The following CAMKK1 variants were observed in gnomAD, a reference collection of about 807,000 sequenced individuals.
CAMKK1 encodes calcium/calmodulin dependent protein kinase kinase 1, also known as calcium/calmodulin-dependent protein kinase kinase 1.
A neutral mutation model predicts 63.5 loss-of-function variants in CAMKK1; 20 were observed. That is an observed-to-expected ratio of 0.32 (90% CI 0.22 to 0.46). The LOEUF is 0.46. Ranked by LOEUF, CAMKK1 falls within the 20% of genes least tolerant of loss-of-function variation. CAMKK1 has a pLI of 1.00. For missense variants in CAMKK1, 588 were observed against 658.1 expected, an observed-to-expected ratio of 0.89 and a Z score of 1.17; for synonymous variants, 253 against 269.0, an observed-to-expected ratio of 0.94 and a Z score of 0.58.
rs1354599036 is a variant in CAMKK1, at chr17:3,893,027, G to T, written c.-132C>A. The T allele has an allele frequency of 8.8e-6, 1 of 113,418 alleles. No homozygotes were observed. The highest frequency in any genetic ancestry group is 2.0e-5 in the Non-Finnish European group (1 of 50,922). The allele number at this position is 113,418 out of a possible 1,614,324, so 7.0% of individuals were successfully genotyped here. ...CCGCCCCGCCCCGCCCCGCCCCACCGCCTCGCTGGGGCCCAGATCGCCGAG... is the reference window on the plus strand; with the variant it reads ...CCGCCCCGCCCCGCCCCGCCCCACCTCCTCGCTGGGGCCCAGATCGCCGAG... On this transcript the variant is annotated 5_prime_UTR_variant, in exon 1 of 16. Transcript: ENST00000348335. This position sits in a 1 kb window ranked among gnomAD's most constrained non-coding sequence, Gnocchi z 4.6.
rs754695613 is a variant in CAMKK1, at chr17:3,882,262, C to T, written c.685+266G>A. On this transcript the variant is annotated intron_variant, in intron 7 of 15. Coordinates refer to ENST00000348335, the MANE Select transcript of CAMKK1 (RefSeq NM_032294.3). The surrounding 1 kb of genome is among the most constrained non-coding windows in gnomAD (Gnocchi z 4.3). ...AGCCTGCTTCCTGCATCTACCTGAG[C>T]GCGCAGCCCACGTGGATCCACTGTC... 114 of 1,610,804 alleles carry T rather than the reference C, an allele frequency of 7.1e-5. No homozygotes were observed. The highest frequency in any genetic ancestry group is 1.6e-4 in the Middle Eastern group (1 of 6,062).
At chr17:3,877,785 T>C (rs1416659951) in intron 9 of CAMKK1, among the ~76,000 whole-genome samples, 1 of 152,176 alleles carries the variant, frequency 6.6e-6, no homozygotes, top group Non-Finnish European at 1.5e-5. Context: ...AGTGGTCTCA[T>C]GTTCTTATCT....
intron 8 of CAMKK1, 40 bp downstream of exon 8, chr17:3,881,587 G>A (rs2055412216): frequency 1.3e-6 from 2 of 1,557,966 alleles, no homozygotes; most frequent in Admixed American, 1.9e-5. Flanking sequence ...AGGAAGGCCT[G>A]GATGAGAATT....
Position 3,861,024 on chromosome 17 carries a change from C to G in CAMKK1, c.*1187G>C, listed in dbSNP as rs2054319761. On this transcript the variant is annotated 3_prime_UTR_variant, in exon 16 of 16. Transcript: ENST00000348335. ...AAATGCCACGTCGGCCAGCCGGACA[C>G]TGATCCCAGAGAGAAGGTGAAGGCT... 6.6e-6 allele frequency: 1 copy of G among 152,316 alleles called. No individual in the cohort carries two copies. Among genetic ancestry groups the G allele is most frequent in the Non-Finnish European group, 1.5e-5 (1 of 68,096 alleles). 9.4% of individuals were successfully genotyped at this position (152,316 alleles called of 1,614,324 possible).
rs1355809958 is a variant in CAMKK1, at chr17:3,889,553, C to T, written c.-44+3386G>A. ...AGAAGGCCACTGTCCTGCCAACTCC[C>T]AGGGCGATGGAAGGAACAGAATGAG... On this transcript the variant is annotated intron_variant, in intron 1 of 15. Coordinates refer to ENST00000348335, the MANE Select transcript of CAMKK1 (RefSeq NM_032294.3). The surrounding 1 kb of genome is among the most constrained non-coding windows in gnomAD (Gnocchi z 5.2). Among the ~76,000 whole-genome samples, 1 of 152,064 alleles carries T rather than the reference C, an allele frequency of 6.6e-6. No individual in the cohort carries two copies. The highest frequency in any genetic ancestry group is 2.4e-5 in the African/African-American group (1 of 41,388).
At chr17:3,881,528 TCTC>T in intron 8 of CAMKK1, 96 bp downstream of exon 8, 1 of 1,206,346 alleles carries the variant, frequency 8.3e-7, no homozygotes. Flanking sequence ...GTCTCTGACT[TCTC>T]CTAGAGTAGC....
Position 3,873,482 on chromosome 17 carries a change from C to G in CAMKK1, c.997-20G>C. On this transcript the variant is annotated intron_variant, in intron 10 of 15. Transcript: ENST00000348335. ...CAAGGCCTGGAAAGAAACATGCTCA[C>G]ATCAGTCCCCAACAGGCACAGCCAC... is the stretch of plus-strand genomic sequence containing the variant. 1 of 1,613,872 alleles carries G rather than the reference C, an allele frequency of 6.2e-7. No homozygotes were observed. Among genetic ancestry groups the G allele is most frequent in the Non-Finnish European group, 8.5e-7 (1 of 1,179,808 alleles).
rs755367116 is a variant in CAMKK1 at position 3,884,690 on chromosome 17, C to T, written c.361-263G>A. 2.6e-5 allele frequency among the ~76,000 whole-genome samples: 4 copies of T among 152,184 alleles called. No individual in the cohort carries two copies. The highest frequency in any genetic ancestry group is 4.1e-4 in the South Asian group (2 of 4,832). ...CCCAGAAGCAGTGGTGAAGGGAAAA[C>T]GCTAATTCCTGTCTGGATTCTGGAG... On this transcript the variant is annotated intron_variant, in intron 2 of 15. Transcript: ENST00000348335. This position sits in a 1 kb window ranked among gnomAD's most constrained non-coding sequence, Gnocchi z 4.5.
rs766447941 is a variant in CAMKK1, at chr17:3,868,130, C to A, written c.1341+1357G>T. On this transcript the variant is annotated intron_variant, in intron 14 of 15. Coordinates refer to ENST00000348335, the MANE Select transcript of CAMKK1 (RefSeq NM_032294.3). ...AGGCGCCGTCTAACTGATACGTGGG[C>A]TCTGGGGGAGAAGCAGGCGCCGTCT... Among the ~76,000 whole-genome samples, 112 of 45,188 alleles carry A rather than the reference C, an allele frequency of 2.5e-3. 17 individuals carry two copies. The highest frequency in any genetic ancestry group is 8.1e-3 in the African/African-American group (48 of 5,950). 29.6% of individuals were successfully genotyped at this position (45,188 alleles called of 152,430 possible).
intron 9 of CAMKK1, 153 bp downstream of exon 9, chr17:3,880,193 G>GCC (rs1038215509): frequency 4.6e-6 from 3 of 651,066 alleles, no homozygotes; most frequent in Non-Finnish European, 8.0e-6. Flanking sequence ...AAGGCCTTTG[G>GCC]CCCCGCCACA....
rs948394930 is a variant in CAMKK1 at position 3,882,501 on chromosome 17, G to T, written c.685+27C>A. 2 of 1,598,276 alleles carry T rather than the reference G, an allele frequency of 1.3e-6. No individual in the cohort carries two copies. The highest frequency in any genetic ancestry group is 1.7e-6 in the Non-Finnish European group (2 of 1,171,680). On this transcript the variant is annotated intron_variant, in intron 7 of 15. Transcript: ENST00000348335. This position sits in a 1 kb window ranked among gnomAD's most constrained non-coding sequence, Gnocchi z 4.3. ...CCCTTGGGCCAGCCCTGAGTGAGCT[G>T]CTGTGGGAATGAGCCAGGTCACTCA...
At chr17:3,871,592 G>T (rs201991528) in intron 12 of CAMKK1, among the ~76,000 whole-genome samples, 1 of 148,842 alleles carries the variant, frequency 6.7e-6, no homozygotes, top group Non-Finnish European at 1.5e-5. Flanking sequence ...TCCTGACCTC[G>T]TGATCCGCCC....
intron 14 of CAMKK1, among the ~76,000 whole-genome samples, chr17:3,866,752 CTT>C (rs940067760): frequency 4.0e-5 from 6 of 150,986 alleles, no homozygotes; most frequent in African/African-American, 1.5e-4. Flanking sequence ...GAGTTTTGCT[CTT>C]GTTGCCCAGG....
Position 3,862,246 on chromosome 17 carries a change from G to T in CAMKK1, c.1483C>A (p.Leu495Ile). ...GCCTCGTCTTCCTGGACGCCGGGGA[G>T]CTCTGGGCTCTTGCCCCCTTCACCA... is the stretch of plus-strand genomic sequence containing the variant. ...GFGEGGKSPE[L>I]PGVQEDEAAS is the part of the protein sequence containing the mutation. The change falls in exon 16 of 16, where the codon CTC (leucine) becomes ATC (isoleucine). Residue 495 changes from leucine to isoleucine, a missense_variant. Around this residue, in one of 3 missense-constraint regions of CAMKK1, gnomAD observed 226 missense variants for 229.2 expected, o/e 0.99. Coordinates refer to ENST00000348335, the MANE Select transcript of CAMKK1 (RefSeq NM_032294.3). This position sits in a 1 kb window ranked among gnomAD's most constrained non-coding sequence, Gnocchi z 4.1. 6.3e-7 allele frequency: 1 copy of T among 1,591,124 alleles called. No individual in the cohort carries two copies. Among genetic ancestry groups the T allele is most frequent in the Non-Finnish European group, 8.6e-7 (1 of 1,168,100 alleles).
chr17:3,861,479 A>G lies in CAMKK1; in HGVS notation c.*732T>C, dbSNP rs1038457799. The G allele has an allele frequency of 6.6e-6, 1 of 152,366 alleles. No individual in the cohort carries two copies. 9.4% of individuals were successfully genotyped at this position (152,366 alleles called of 1,614,324 possible). ...ATTCCGTTCAGTCCACTTTCCAGAT[A>G]ACGCCGAATGCGAAACACAGTCCAG... On this transcript the variant is annotated 3_prime_UTR_variant, in exon 16 of 16. Transcript: ENST00000348335.
chr17:3,882,593 G>A lies in CAMKK1; in HGVS notation c.649-29C>T. 2 of 1,584,046 alleles carry A rather than the reference G, an allele frequency of 1.3e-6. No homozygotes were observed. Among genetic ancestry groups the A allele is most frequent in the South Asian group, 2.3e-5 (2 of 87,196 alleles). ...GTCAGAGGGAGCAGACATGGGGGTG[G>A]GGCTTGAGGAGGCGTGGGGTTGGAG... On this transcript the variant is annotated intron_variant, in intron 6 of 15. Coordinates refer to ENST00000348335, the MANE Select transcript of CAMKK1 (RefSeq NM_032294.3). The surrounding 1 kb of genome is among the most constrained non-coding windows in gnomAD (Gnocchi z 4.3).
rs1022450143 is a variant in CAMKK1 at position 3,892,636 on chromosome 17, G to C, written c.-44+303C>G. On this transcript the variant is annotated intron_variant, in intron 1 of 15. Transcript: ENST00000348335. This position sits in a 1 kb window ranked among gnomAD's most constrained non-coding sequence, Gnocchi z 7.5. The stretch of plus-strand genomic sequence containing the variant: ...GTGGCCTCCACCAGGAGCCGGGCGC[G>C]GGGGACAGTGCACCGGGGATGGATG... Among the ~76,000 whole-genome samples, 1 of 152,162 alleles carries C rather than the reference G, an allele frequency of 6.6e-6. No homozygotes were observed. The highest frequency in any genetic ancestry group is 2.4e-5 in the African/African-American group (1 of 41,446).
At chr17:3,881,991 C>A in intron 7 of CAMKK1, 1 of 522,222 alleles carries the variant, frequency 1.9e-6, no homozygotes, top group South Asian at 2.8e-5. Flanking sequence ...AAAGCCTCAG[C>A]CTCTAATTCC....
At chr17:3,868,480 T>TA (rs1431883860) in intron 14 of CAMKK1, among the ~76,000 whole-genome samples, 1 of 151,598 alleles carries the variant, frequency 6.6e-6, no homozygotes, top group Non-Finnish European at 1.5e-5. Context: ...GCCTAACTGA[T>TA]ACGTGGGCTT....
Sources: allele counts gnomAD v4.1 joint callset (sites outside exome capture counted in the v4.1 genomes callset), GRCh38; gene constraint gnomAD v4.1.1; regional missense constraint gnomAD v4.1.1; non-coding constraint Gnocchi (gnomAD v3.1); transcripts MANE v1.5; gene names NCBI Gene and HGNC (gene_info 2026-07-23, HGNC 2026-07-21).